VPS13A: variants seen among roughly 807,000 people sequenced by gnomAD.
VPS13A encodes the protein intermembrane lipid transfer protein VPS13A.
VPS13A carries 264 observed loss-of-function variants against 390.9 expected under a neutral mutation model. The observed-to-expected ratio is 0.68, with a 90% confidence interval of 0.61 to 0.75. The LOEUF is 0.75. Ranked by LOEUF, VPS13A falls within the 30% of genes least tolerant of loss-of-function variation. The pLI, the probability that VPS13A is intolerant of heterozygous loss-of-function variation, is 0.00. For missense variants in VPS13A, 3,409 were observed against 3,733.9 expected, an observed-to-expected ratio of 0.91 and a Z score of 2.27; for synonymous variants, 1,231 against 1,227.1, an observed-to-expected ratio of 1.00 and a Z score of -0.07.
intron 68 of VPS13A, chr9:77,389,644 C>T (rs567018999): frequency 3.9e-5 from 6 of 151,938 alleles, no homozygotes; most frequent in East Asian, 1.9e-4. Context: ...TTTTCTTTTT[C>T]GTTAAACATT....
chr9:77,356,940 T>G (rs1831823665), intron 55 of VPS13A, 73 bp downstream of exon 55: 2 of 1,555,132 alleles, frequency 1.3e-6, no homozygotes, highest in East Asian at 4.5e-5. Context: ...CTAGTGAAAT[T>G]TAAGGAAAGT....
rs1835159913 is a variant in VPS13A at position 77,416,083 on chromosome 9, G to T, written c.*77G>T. ...CTACCTTCCAAAACCTGTTTGGGAA[G>T]CATATTACAGAAATGATTTCAAGTA... On this transcript the variant is annotated 3_prime_UTR_variant, in exon 72 of 72. Transcript: ENST00000360280. 2 of 1,520,870 alleles carry T rather than the reference G, an allele frequency of 1.3e-6. No individual in the cohort carries two copies. The highest frequency in any genetic ancestry group is 1.8e-6 in the Non-Finnish European group (2 of 1,097,248). 94.2% of individuals were successfully genotyped at this position (1,520,870 alleles called of 1,614,324 possible).
intron 22 of VPS13A, among the ~76,000 whole-genome samples, chr9:77,253,933 A>G (rs913708173): frequency 3.0e-5 from 2 of 66,536 alleles, no homozygotes; most frequent in African/African-American, 1.1e-4. Context: ...ACCGGCCTTT[A>G]TTCTTTTTTT....
chr9:77,291,958 C>A (rs1458691917), intron 31 of VPS13A, among the ~76,000 whole-genome samples: 1 of 152,160 alleles, frequency 6.6e-6, no homozygotes, highest in Non-Finnish European at 1.5e-5. Flanking sequence ...CAGGAGAGTT[C>A]TTGTTCTTCC....
rs143275194 is a variant in VPS13A at position 77,299,722 on chromosome 9, C to T, written c.3813-3193C>T. ...GAATAAAGAAAATGTGGCACATATA[C>T]ACCATGGAATGCTATGCAGCCATAA... On this transcript the variant is annotated intron_variant, in intron 33 of 71. Transcript: ENST00000360280. 3.3e-5 allele frequency among the ~76,000 whole-genome samples: 5 copies of T among 152,310 alleles called. No individual in the cohort carries two copies. In the East Asian group the frequency reaches 5.8e-4, roughly 18 times the overall value.
At position 77,420,774 on chromosome 9, in the gene VPS13A, A is replaced by G. The variant is rs764628002; in HGVS notation, c.*4768A>G. 4.6e-5 allele frequency: 7 copies of G among 152,224 alleles called. No homozygotes were observed. The highest frequency in any genetic ancestry group is 4.4e-5 in the Non-Finnish European group (3 of 68,036). The allele number at this position is 152,224 out of a possible 1,614,324, so 9.4% of individuals were successfully genotyped here. A position where few individuals can be genotyped will look rare whatever the true frequency, so the allele number is the denominator to read the frequency against. Reference sequence around the variant, plus strand: ...GATTGGTATAATGAGATATCAAATAATCAGAAGTATAATTAAAATAGAACA... The same window carrying G: ...GATTGGTATAATGAGATATCAAATAGTCAGAAGTATAATTAAAATAGAACA... On this transcript the variant is annotated 3_prime_UTR_variant, in exon 72 of 72. Transcript: ENST00000360280.
chr9:77,200,064 C>T lies in VPS13A; in HGVS notation c.144+76C>T, dbSNP rs974574402. On this transcript the variant is annotated intron_variant, in intron 2 of 71. Transcript: ENST00000360280. ...TAATTCTTCCTGATTCAGTTTGTCA[C>T]CTTAAATTATTTAAATTTGAGAAAG... 5 of 1,282,206 alleles carry T rather than the reference C, an allele frequency of 3.9e-6. No homozygotes were observed. In the African/African-American group the frequency reaches 6.1e-5, roughly 16 times the overall value. 79.4% of individuals were successfully genotyped at this position (1,282,206 alleles called of 1,614,324 possible).
intron 69 of VPS13A, among the ~76,000 whole-genome samples, chr9:77,405,066 A>C (rs1317544464): frequency 6.6e-6 from 1 of 152,334 alleles, no homozygotes; most frequent in Admixed American, 6.5e-5. Flanking sequence ...AAGAAAAATT[A>C]AGAAGAAAGA....
At chr9:77,374,181 G>A (rs888020110) in intron 67 of VPS13A, among the ~76,000 whole-genome samples, 6 of 151,998 alleles carry the variant, frequency 3.9e-5, no homozygotes, top group African/African-American at 1.5e-4. Flanking sequence ...CTCTTGATCT[G>A]CAGGGATCTG....
At chr9:77,408,733 CA>C (rs1563998830) in intron 71 of VPS13A, among the ~76,000 whole-genome samples, 1 of 152,196 alleles carries the variant, frequency 6.6e-6, no homozygotes, top group Non-Finnish European at 1.5e-5. Flanking sequence ...TGCAAGGCAG[CA>C]GAGAGGCTGG....
At chr9:77,255,848 T>C (rs900570741) in intron 22 of VPS13A, among the ~76,000 whole-genome samples, 2 of 152,126 alleles carry the variant, frequency 1.3e-5, no homozygotes, top group African/African-American at 4.8e-5. Flanking sequence ...TGAGTAGTAA[T>C]GTTACCACTT....
chr9:77,263,234 G>A (rs1825855654), intron 23 of VPS13A, among the ~76,000 whole-genome samples: 1 of 151,880 alleles, frequency 6.6e-6, no homozygotes, highest in African/African-American at 2.4e-5. Context: ...AGCCTCCCGA[G>A]TAGCTGGGAC....
intron 68 of VPS13A, among the ~76,000 whole-genome samples, chr9:77,399,052 G>T (rs1221149385): frequency 6.9e-6 from 1 of 144,452 alleles, no homozygotes; most frequent in Non-Finnish European, 1.5e-5. Context: ...AGCATTGGGA[G>T]ATATACCTAA....
In VPS13A at chr9:77,293,332, CTTA is replaced by C. The variant is rs746510956; in HGVS notation, c.3340-5_3340-3del. The C allele has an allele frequency of 5.0e-6, 8 of 1,605,704 alleles. No individual in the cohort carries two copies. In the East Asian group the frequency reaches 1.6e-4, roughly 32 times the overall value. The stretch of plus-strand genomic sequence containing the variant: ...ATGGATTGTGATAATTAAATTTTCT[CTTA>C]TTAAGGCTGTTTATATCACTGGAAA... On this transcript the variant is annotated splice_region_variant and splice_polypyrimidine_tract_variant and intron_variant, in intron 31 of 71. Coordinates refer to ENST00000360280, the MANE Select transcript of VPS13A (RefSeq NM_033305.3).
At chr9:77,382,356 T>A (rs1833490150) in intron 68 of VPS13A, 17 of 1,519,636 alleles carry the variant, frequency 1.1e-5, no homozygotes, top group Non-Finnish European at 1.5e-5. Context: ...GTCTTAAAAT[T>A]TACAAACTAC....
At chr9:77,372,471 G>T (rs550200887) in intron 67 of VPS13A, among the ~76,000 whole-genome samples, 105 of 152,170 alleles carry the variant, frequency 6.9e-4, no homozygotes, top group African/African-American at 2.4e-3. Context: ...ATTAGGTATT[G>T]ATGGGACGTA....
chr9:77,275,793 G>T, intron 25 of VPS13A, 141 bp downstream of exon 25: 2 of 1,031,870 alleles, frequency 1.9e-6, no homozygotes, highest in African/African-American at 1.6e-5. Context: ...GTGATTCTTG[G>T]TCACTCCCCG....
intron 33 of VPS13A, among the ~76,000 whole-genome samples, chr9:77,301,261 C>T (rs1828334288): frequency 6.6e-6 from 1 of 151,964 alleles, no homozygotes; most frequent in East Asian, 1.9e-4. Flanking sequence ...AAATTTTAAT[C>T]ATAGAAGGTT....
At chr9:77,410,774 GA>G (rs1834881955) in intron 71 of VPS13A, among the ~76,000 whole-genome samples, 1 of 151,898 alleles carries the variant, frequency 6.6e-6, no homozygotes, top group African/African-American at 2.4e-5. Context: ...CCCAATACAG[GA>G]GCACCCAGAT....
Sources: allele counts gnomAD v4.1 joint callset (sites outside exome capture counted in the v4.1 genomes callset), GRCh38; gene constraint gnomAD v4.1.1; transcripts MANE v1.5; gene names NCBI Gene and HGNC (gene_info 2026-07-23, HGNC 2026-07-21).